Variants in PHEX observed in about 807,000 individuals in gnomAD.
PHEX encodes the protein phosphate regulating endopeptidase X-linked, also known as phosphate-regulating neutral endopeptidase PHEX.
In PHEX, 16 loss-of-function variants were observed where a neutral mutation model predicts 68.0. That is an observed-to-expected ratio of 0.24 (90% CI 0.16 to 0.36). The LOEUF (loss-of-function observed/expected upper bound fraction) is 0.36, where lower values mean the gene tolerates loss of function less well. PHEX is among the 10% of genes least tolerant of loss of function. The pLI is 1.00. For missense variants in PHEX, 480 were observed against 575.5 expected (o/e 0.83, Z 1.70); for synonymous variants, 208 against 205.1 (o/e 1.01, Z -0.12).
At chrX:22,063,093 A>G (rs919968299) in intron 3 of PHEX, among the ~76,000 whole-genome samples, 1 of 110,737 alleles carries the variant, frequency 9.0e-6, no homozygotes, top group Middle Eastern at 4.2e-3. Context: ...CTCCCTCCCG[A>G]CCAGGCAGTG....
intron 12 of PHEX, among the ~76,000 whole-genome samples, chrX:22,164,340 G>A (rs918825405): frequency 3.6e-5 from 4 of 112,168 alleles, no homozygotes; most frequent in African/African-American, 1.3e-4. Flanking sequence ...ACTCTCTTCA[G>A]ATGTTGGCAA....
chrX:22,178,523 A>G (rs1933783276), intron 14 of PHEX, 147 bp downstream of exon 14: 1 of 368,524 alleles, frequency 2.7e-6, no homozygotes, highest in Non-Finnish European at 4.8e-6. Context: ...ATGTTTTGCC[A>G]ACTCTTATTT....
rs1929208686 is a variant in PHEX at position 22,077,565 on chromosome X, C to T, written c.526C>T (p.Pro176Ser). ...GCCCGTGCTTGAATCTAATATTGGC[C>T]CTGAAGGGGTTTGGTCAGAGAGAAA... ...RWPVLESNIG[P>S]EGVWSERKFS... Residue 176 changes from proline to serine, a missense_variant, in exon 5 of 22, where the codon CCT (proline) becomes TCT (serine). Pro to Ser is a moderately conservative substitution (Grantham distance 74). Coordinates refer to ENST00000379374, the MANE Select transcript of PHEX (RefSeq NM_000444.6). 3 of 1,209,295 alleles carry T rather than the reference C, an allele frequency of 2.5e-6. No individual in the cohort carries two copies. Among genetic ancestry groups the T allele is most frequent in the African/African-American group, 3.5e-5 (2 of 57,138 alleles).
chrX:22,229,656 A>ATAGAT (rs923124104), intron 20 of PHEX, among the ~76,000 whole-genome samples: 13 of 111,816 alleles, frequency 1.2e-4, no homozygotes, highest in African/African-American at 3.9e-4. Context: ...TGTCAAATGG[A>ATAGAT]TAGATTGCAA....
At chrX:22,056,062 C>G (rs1232780986) in intron 3 of PHEX, among the ~76,000 whole-genome samples, 1 of 112,345 alleles carries the variant, frequency 8.9e-6, no homozygotes, top group Non-Finnish European at 1.9e-5. Flanking sequence ...TCCATTCATT[C>G]TAAGTTGTAT....
At chrX:22,187,253 G>A (rs758022594) in intron 14 of PHEX, among the ~76,000 whole-genome samples, 5 of 111,759 alleles carry the variant, frequency 4.5e-5, no homozygotes, top group Non-Finnish European at 9.4e-5. Context: ...CCTTCCAAGG[G>A]GATTCAAGTT....
In PHEX at chrX:22,164,569, T is replaced by C. The variant is rs141250674; in HGVS notation, c.1405-3743T>C. ...GAGATGAGGTTTAAAAAACAATGCATAATTCACCAGCATGCTCTGGAAAGA... is the reference window on the plus strand; with the variant it reads ...GAGATGAGGTTTAAAAAACAATGCACAATTCACCAGCATGCTCTGGAAAGA... On this transcript the variant is annotated intron_variant, in intron 12 of 21. Transcript: ENST00000379374. 6.0e-3 allele frequency among the ~76,000 whole-genome samples: 675 copies of C among 111,880 alleles called. 3 individuals are homozygous for C. Among genetic ancestry groups the C allele is most frequent in the African/African-American group, 0.02 (627 of 30,828 alleles).
rs746517023 is a variant in PHEX, at chrX:22,114,598, T to G, written c.1302+12T>G. 1.7e-6 allele frequency: 2 copies of G among 1,196,817 alleles called. No homozygotes were observed. Among genetic ancestry groups the G allele is most frequent in the Non-Finnish European group, 2.3e-6 (2 of 883,540 alleles). Reference sequence around the variant, plus strand: ...ATAAGAAGGAAATGGTAAGTGGTACTCCCCAGCTAGCAAAAAATAATGGCA... The same window carrying G: ...ATAAGAAGGAAATGGTAAGTGGTACGCCCCAGCTAGCAAAAAATAATGGCA... On this transcript the variant is annotated intron_variant, in intron 11 of 21. Coordinates refer to ENST00000379374, the MANE Select transcript of PHEX (RefSeq NM_000444.6).
intron 3 of PHEX, among the ~76,000 whole-genome samples, chrX:22,073,635 G>GTTTT (rs1182752837): frequency 1.3e-4 from 7 of 53,215 alleles, no homozygotes; most frequent in Admixed American, 2.4e-4. Flanking sequence ...CTGTGCTATA[G>GTTTT]TTTTTTTTTT....
intron 18 of PHEX, among the ~76,000 whole-genome samples, chrX:22,223,105 A>G (rs1248500036): frequency 1.8e-5 from 2 of 112,127 alleles, no homozygotes; most frequent in South Asian, 3.7e-4. Flanking sequence ...CTTAGCACCA[A>G]TCCACTTAAC....
chrX:22,039,973 G>T (rs1927199380), intron 2 of PHEX, among the ~76,000 whole-genome samples: 1 of 111,651 alleles, frequency 9.0e-6, no homozygotes, highest in African/African-American at 3.3e-5. Context: ...AGGTGGCTGG[G>T]TCACAGAGTG....
chrX:22,080,732 A>AAC (rs1473308929), intron 5 of PHEX, among the ~76,000 whole-genome samples: 1 of 111,698 alleles, frequency 9.0e-6, no homozygotes, highest in African/African-American at 3.3e-5. Context: ...AAAACAAACA[A>AAC]AAAAAATAAT....
intron 20 of PHEX, among the ~76,000 whole-genome samples, chrX:22,232,425 G>GGACTT (rs1340669820): frequency 3.6e-5 from 4 of 109,702 alleles, no homozygotes; most frequent in Non-Finnish European, 7.6e-5. Flanking sequence ...AGGTCTCTAA[G>GGACTT]GACTTGCTTG....
At chrX:22,038,327 T>C in intron 1 of PHEX, 142 bp from the exon 2 acceptor site, 1 of 558,633 alleles carries the variant, frequency 1.8e-6, no homozygotes, top group Non-Finnish European at 3.3e-6. Flanking sequence ...TTTCGTGACA[T>C]TGAACCAACT....
At position 22,190,503 on chromosome X, in the gene PHEX, G is replaced by A. The variant is rs886041225; in HGVS notation, c.1645+1G>A. 1 of 1,159,054 alleles carries A rather than the reference G, an allele frequency of 8.6e-7. No homozygotes were observed. Among genetic ancestry groups the A allele is most frequent in the Non-Finnish European group, 1.2e-6 (1 of 847,385 alleles). ...TACAGTGCATCCACCAACCAGATCC[G>A]TGAGTACGGGTTCCTTGTCTCCTTG... On this transcript the variant is annotated splice_donor_variant, in intron 15 of 21. Transcript: ENST00000379374. LOFTEE classifies it high-confidence loss of function.
At chrX:22,245,486 C>A in intron 21 of PHEX, 77 bp downstream of exon 21, 1 of 690,655 alleles carries the variant, frequency 1.4e-6, no homozygotes, top group Non-Finnish European at 2.4e-6. Flanking sequence ...CATCCAAGGG[C>A]TCTACCAGAT....
chrX:22,177,724 AT>A (rs1195492125), intron 13 of PHEX, among the ~76,000 whole-genome samples: 1 of 111,989 alleles, frequency 8.9e-6, no homozygotes, highest in African/African-American at 3.2e-5. Flanking sequence ...GTTAATAATT[AT>A]TCTGGTGACT....
At chrX:22,245,197 T>C (rs1001876365) in intron 20 of PHEX, 136 bp from the exon 21 acceptor site, 3 of 567,984 alleles carry the variant, frequency 5.3e-6, no homozygotes, top group Non-Finnish European at 6.4e-6. Context: ...AGATGACGGT[T>C]TTATTTGATC....
intron 12 of PHEX, among the ~76,000 whole-genome samples, chrX:22,161,494 A>C (rs772050764): frequency 1.8e-5 from 2 of 112,963 alleles, no homozygotes; most frequent in African/African-American, 6.4e-5. Context: ...TTATGATTGT[A>C]TGTTAATCCT....
Sources: allele counts gnomAD v4.1 joint callset (sites outside exome capture counted in the v4.1 genomes callset), GRCh38; gene constraint gnomAD v4.1.1; transcripts MANE v1.5; gene names NCBI Gene and HGNC (gene_info 2026-07-23, HGNC 2026-07-21).